The following ABCB4 variants were observed in gnomAD, a reference collection of about 807,000 sequenced individuals.
ABCB4 encodes the protein ATP binding cassette subfamily B member 4.
ABCB4 carries 76 observed loss-of-function variants against 145.7 expected under a neutral mutation model. The ratio of observed to expected loss-of-function variants is 0.52; its 90% CI spans 0.43 to 0.63. The LOEUF (loss-of-function observed/expected upper bound fraction) is 0.63. Ranked by LOEUF, ABCB4 falls within the 30% of genes least tolerant of loss-of-function variation. ABCB4 has a pLI of 0.00. For missense variants in ABCB4, 1,234 were observed against 1,553.1 expected, an observed-to-expected ratio of 0.79 and a Z score of 3.45; for synonymous variants, 517 against 566.8, an observed-to-expected ratio of 0.91 and a Z score of 1.25.
intron 18 of ABCB4, among the ~76,000 whole-genome samples, 176 bp from the exon 19 acceptor site, chr7:87,420,251 A>G (rs1809322400): frequency 6.6e-6 from 1 of 152,232 alleles, no homozygotes. Context: ...CAACCATAGC[A>G]GGAACCTAAG....
intron 4 of ABCB4, among the ~76,000 whole-genome samples, chr7:87,460,298 T>G (rs1277988289): frequency 6.6e-6 from 1 of 152,148 alleles, no homozygotes; most frequent in Admixed American, 6.5e-5. Flanking sequence ...TAATTTCAAT[T>G]TTTATTTTAG....
chr7:87,445,403 A>AT (rs1174657545), intron 9 of ABCB4, among the ~76,000 whole-genome samples: 1 of 152,174 alleles, frequency 6.6e-6, no homozygotes, highest in Non-Finnish European at 1.5e-5. Flanking sequence ...ATTTTTAAAG[A>AT]TTTTTAACAT....
At chr7:87,393,286 GA>G in the ABCB4 span, among the ~76,000 whole-genome samples, 10 of 152,186 alleles carry the variant, frequency 6.6e-5, no homozygotes, top group African/African-American at 2.4e-4. Context: ...TCTTTATGCA[GA>G]ACACTGTTTC....
At chr7:87,381,655 C>A in the ABCB4 span, among the ~76,000 whole-genome samples, 1 of 152,042 alleles carries the variant, frequency 6.6e-6, no homozygotes, top group Admixed American at 6.6e-5. Flanking sequence ...TTTTATACAC[C>A]CTCATGACCC....
chr7:87,432,560 G>T (rs567800111), intron 14 of ABCB4, among the ~76,000 whole-genome samples: 1 of 152,308 alleles, frequency 6.6e-6, no homozygotes, highest in South Asian at 2.1e-4. Context: ...AATGCATTTT[G>T]ATTCACATCA....
chr7:87,421,238 A>G (rs1809395993), intron 18 of ABCB4, among the ~76,000 whole-genome samples: 1 of 152,160 alleles, frequency 6.6e-6, no homozygotes, highest in Admixed American at 6.5e-5. Context: ...GCACATCAGA[A>G]CTGTTTACTA....
the ABCB4 span, among the ~76,000 whole-genome samples, chr7:87,392,240 T>A: frequency 1.3e-5 from 2 of 152,242 alleles, no homozygotes; most frequent in African/African-American, 4.8e-5. Context: ...ATCTTAATTT[T>A]ATAGAACTGC....
chr7:87,417,458 T>G lies in ABCB4; in HGVS notation c.2536A>C (p.Ile846Leu), dbSNP rs1371432490. Residue 846 changes from isoleucine (I) to leucine (L), a missense_variant, in exon 21 of 28, where the codon ATT (isoleucine) becomes CTT (leucine). Ile to Leu is a conservative substitution (Grantham distance 5). Transcript: ENST00000649586. ...CAACCGTAGATAAATGATATGATAA[T>G]ACCAGTTCCAAGGTTAGCTATATTC... ...AQNIANLGTG[I>L]IISFIYGWQL... 1.2e-6 allele frequency: 2 copies of G among 1,614,072 alleles called. No individual in the cohort carries two copies. The highest frequency in any genetic ancestry group is 1.7e-6 in the Non-Finnish European group (2 of 1,180,024).
chr7:87,441,330 T>C (rs1439396264), intron 12 of ABCB4, among the ~76,000 whole-genome samples: 1 of 152,144 alleles, frequency 6.6e-6, no homozygotes, highest in African/African-American at 2.4e-5. Flanking sequence ...TAGCACTGGG[T>C]TTTATCATTT....
intron 21 of ABCB4, among the ~76,000 whole-genome samples, chr7:87,414,650 T>C (rs1584689359): frequency 6.6e-6 from 1 of 152,284 alleles, no homozygotes; most frequent in African/African-American, 2.4e-5. Context: ...AAGATCTTAA[T>C]TTTAGGTTTT....
At chr7:87,410,804 T>C (rs376157588) in intron 23 of ABCB4, among the ~76,000 whole-genome samples, 2 of 152,158 alleles carry the variant, frequency 1.3e-5, no homozygotes, top group Admixed American at 6.5e-5. Flanking sequence ...CAGCAGAGGA[T>C]AGGGAGGCTG....
chr7:87,433,685 T>TG lies in ABCB4; in HGVS notation c.1732-2121_1732-2120insC, dbSNP rs1298914637. 2.7e-5 allele frequency among the ~76,000 whole-genome samples: 4 copies of TG among 150,248 alleles called. No individual in the cohort carries two copies. In the East Asian group the frequency reaches 7.7e-4, roughly 29 times the overall value. ...CAAAAAATTGTTGTTGTTTTTTTTT[T>TG]TTTTTTTTTCAGAGCTCCCAGACAC... On this transcript the variant is annotated intron_variant, in intron 14 of 27. Transcript: ENST00000649586.
At chr7:87,386,844 A>G in the ABCB4 span, among the ~76,000 whole-genome samples, 1 of 152,018 alleles carries the variant, frequency 6.6e-6, no homozygotes, top group African/African-American at 2.4e-5. Flanking sequence ...CCCCATCTCT[A>G]CCCATTGTCT....
chr7:87,380,405 T>A, the ABCB4 span, among the ~76,000 whole-genome samples: 1 of 152,274 alleles, frequency 6.6e-6, no homozygotes, highest in East Asian at 1.9e-4. Flanking sequence ...GTAAGTACTG[T>A]GTAAGTGGTA....
chr7:87,394,555 T>TA, the ABCB4 span, among the ~76,000 whole-genome samples: 115,957 of 148,616 alleles, frequency 0.78, 45,246 homozygotes, highest in Middle Eastern at 0.86. Context: ...AAGTACTATT[T>TA]AAAAAAAAAA....
the ABCB4 span, among the ~76,000 whole-genome samples, chr7:87,377,173 ACT>A: frequency 6.6e-6 from 1 of 152,052 alleles, no homozygotes; most frequent in East Asian, 1.9e-4. Context: ...GGCCAGAATT[ACT>A]CTCTCTTGAC....
chr7:87,450,035 C>T lies in ABCB4; in HGVS notation c.766G>A (p.Ala256Thr). The T allele has an allele frequency of 6.2e-7, 1 of 1,614,186 alleles. No homozygotes were observed. Among genetic ancestry groups the T allele is most frequent in the Non-Finnish European group, 8.5e-7 (1 of 1,180,016 alleles). The change falls in exon 8 of 28, where the codon GCA becomes ACA. Residue 256 changes from alanine to threonine, a missense_variant. Ala to Thr is a moderately conservative substitution (Grantham distance 58). This residue lies in a region of ABCB4 where 467 missense variants were observed against 632.8 expected (regional missense o/e 0.74). Coordinates refer to ENST00000649586, the MANE Select transcript of ABCB4 (RefSeq NM_000443.4). Reference protein sequence around the residue: ...LAAYAKAGAVAEEALGAIRTV... With the variant: ...LAAYAKAGAVTEEALGAIRTV... Reference sequence around the variant, plus strand: ...CTGATGGCCCCCAGAGCCTCTTCTGCCACGGCGCCTGCTTTTGCATAAGCA... The same window carrying T: ...CTGATGGCCCCCAGAGCCTCTTCTGTCACGGCGCCTGCTTTTGCATAAGCA...
the ABCB4 span, chr7:87,391,600 G>A: frequency 6.3e-7 from 1 of 1,593,342 alleles, no homozygotes; most frequent in Non-Finnish European, 8.5e-7. Flanking sequence ...CCTGGTTGTT[G>A]CTATGAAACA....
At chr7:87,421,982 T>TCTA in intron 18 of ABCB4, 139 bp downstream of exon 18, 1 of 674,554 alleles carries the variant, frequency 1.5e-6, no homozygotes, top group South Asian at 1.8e-5. Context: ...TGATAAGGAG[T>TCTA]CTACCCTCCA....
Sources: allele counts gnomAD v4.1 joint callset (sites outside exome capture counted in the v4.1 genomes callset), GRCh38; gene constraint gnomAD v4.1.1; regional missense constraint gnomAD v4.1.1; transcripts MANE v1.5; gene names NCBI Gene and HGNC (gene_info 2026-07-23, HGNC 2026-07-21).